Variants in OSBPL8 observed in about 807,000 individuals in gnomAD.
OSBPL8 encodes oxysterol binding protein like 8.
OSBPL8 carries 59 observed loss-of-function variants against 125.5 expected under a neutral mutation model. That is an observed-to-expected ratio of 0.47 (90% confidence interval 0.38 to 0.58). The LOEUF (loss-of-function observed/expected upper bound fraction) is 0.58, where lower values mean the gene tolerates loss of function less well. Ranked by LOEUF, OSBPL8 falls within the 20% of genes least tolerant of loss-of-function variation. The probability of loss-of-function intolerance (pLI) is 0.00; values close to 1 mark genes in which losing one functional copy is unlikely to be tolerated. For missense variants in OSBPL8, 758 were observed against 1,047.8 expected (o/e 0.72, Z 3.82); for synonymous variants, 330 against 338.9 (o/e 0.97, Z 0.29).
At chr12:76,557,633 C>A (rs1357378226) in intron 1 of OSBPL8, among the ~76,000 whole-genome samples, 4 of 149,274 alleles carry the variant, frequency 2.7e-5, no homozygotes, top group South Asian at 4.2e-4. Context: ...AAAAAAAAAT[C>A]CTTTTGTAAT....
chr12:76,375,411 G>A, intron 16 of OSBPL8, 41 bp from the exon 17 acceptor site: 1 of 1,375,598 alleles, frequency 7.3e-7, no homozygotes, highest in Non-Finnish European at 1.0e-6. Flanking sequence ...AAAGAGTATA[G>A]TATAGTATAT....
At chr12:76,497,671 T>G (rs1268211227) in intron 1 of OSBPL8, among the ~76,000 whole-genome samples, 1 of 152,232 alleles carries the variant, frequency 6.6e-6, no homozygotes, top group Non-Finnish European at 1.5e-5. Flanking sequence ...ACAACTTTTT[T>G]CTGAGTTTTG....
chr12:76,422,431 G>T, intron 4 of OSBPL8: 2 of 426,346 alleles, frequency 4.7e-6, no homozygotes, highest in Non-Finnish European at 4.7e-6. Context: ...AATGAAAGCG[G>T]CTTTAAAATG....
chr12:76,429,248 G>A (rs547172130), intron 4 of OSBPL8, among the ~76,000 whole-genome samples: 3 of 110,702 alleles, frequency 2.7e-5, no homozygotes, highest in African/African-American at 6.2e-5. Context: ...GTATACGACC[G>A]TACTTTCCTC....
chr12:76,421,450 A>G (rs936541191), intron 4 of OSBPL8, among the ~76,000 whole-genome samples: 10 of 152,222 alleles, frequency 6.6e-5, no homozygotes, highest in African/African-American at 2.4e-4. Flanking sequence ...CACTGTTAGA[A>G]AAGAATGAAA....
rs1953486910 is a variant in OSBPL8, at chr12:76,389,896, C to T, written c.1168-67G>A. On this transcript the variant is annotated intron_variant, in intron 11 of 23. Coordinates refer to ENST00000261183, the MANE Select transcript of OSBPL8 (RefSeq NM_020841.5). ...TCAGACAGATATGTAAACAAGCCAG[C>T]TAATGTTGAAAATATGAACTCTTCT... The T allele has an allele frequency of 1.0e-5, 13 of 1,269,816 alleles. 1 individual carries two copies. The South Asian group carries it at 2.5e-4, about 24-fold the overall frequency. 78.7% of individuals were successfully genotyped at this position (1,269,816 alleles called of 1,614,324 possible). A position where few individuals can be genotyped will look rare whatever the true frequency, so the allele number is the denominator to read the frequency against.
intron 8 of OSBPL8, 96 bp from the exon 9 acceptor site, chr12:76,394,825 G>A: frequency 3.8e-6 from 3 of 799,542 alleles, no homozygotes; most frequent in South Asian, 4.9e-5. Context: ...ATCTAAATCA[G>A]GTATGGATTA....
At chr12:76,413,104 T>C (rs186519675) in intron 4 of OSBPL8, among the ~76,000 whole-genome samples, 1 of 152,306 alleles carries the variant, frequency 6.6e-6, no homozygotes, top group Admixed American at 6.5e-5. Flanking sequence ...GAACTCCATT[T>C]TTACTTCCAA....
chr12:76,492,471 C>G (rs929520359), intron 1 of OSBPL8, among the ~76,000 whole-genome samples: 1 of 152,126 alleles, frequency 6.6e-6, no homozygotes, highest in African/African-American at 2.4e-5. Context: ...GGGTCTGTGG[C>G]CTGTTAGGAC....
At chr12:76,556,603 T>C (rs1465857516) in intron 1 of OSBPL8, among the ~76,000 whole-genome samples, 2 of 152,206 alleles carry the variant, frequency 1.3e-5, no homozygotes, top group East Asian at 1.9e-4. Flanking sequence ...CAAGCACTTC[T>C]ACTAATCTCC....
intron 2 of OSBPL8, among the ~76,000 whole-genome samples, chr12:76,462,400 T>C (rs896031821): frequency 1.3e-5 from 2 of 152,240 alleles, no homozygotes; most frequent in Admixed American, 1.3e-4. Context: ...CTGATTCTAT[T>C]GGATCAATCC....
intron 2 of OSBPL8, among the ~76,000 whole-genome samples, chr12:76,472,860 G>T (rs1410260196): frequency 1.3e-5 from 2 of 152,180 alleles, no homozygotes. Flanking sequence ...CCAGATAACT[G>T]TGGGCAGGCC....
At position 76,452,524 on chromosome 12, in the gene OSBPL8, G is replaced by A. The variant is rs1276702226; in HGVS notation, c.80-1536C>T. Reference sequence around the variant, plus strand: ...TCAAACCTGCCTCTCCCCAAACTCAGTTCATGCCATCACTACTCCCCTCCC... The same window carrying A: ...TCAAACCTGCCTCTCCCCAAACTCAATTCATGCCATCACTACTCCCCTCCC... On this transcript the variant is annotated intron_variant, in intron 3 of 23. Coordinates refer to ENST00000261183, the MANE Select transcript of OSBPL8 (RefSeq NM_020841.5). 2.6e-5 allele frequency among the ~76,000 whole-genome samples: 4 copies of A among 151,980 alleles called. No individual in the cohort carries two copies. The East Asian group carries it at 5.8e-4, about 22-fold the overall frequency.
At chr12:76,410,769 T>C in intron 4 of OSBPL8, 135 bp from the exon 5 acceptor site, 1 of 605,052 alleles carries the variant, frequency 1.7e-6, no homozygotes, top group South Asian at 2.1e-5. Flanking sequence ...CTATTAAAGA[T>C]CTCTAGAGGG....
At chr12:76,547,266 A>T (rs1407967997) in intron 1 of OSBPL8, among the ~76,000 whole-genome samples, 1 of 152,234 alleles carries the variant, frequency 6.6e-6, no homozygotes, top group African/African-American at 2.4e-5. Context: ...CACAGAAGAG[A>T]GGGAAATTAG....
intron 22 of OSBPL8, among the ~76,000 whole-genome samples, chr12:76,356,991 T>C (rs1841805090): frequency 6.6e-6 from 1 of 152,092 alleles, no homozygotes; most frequent in South Asian, 2.1e-4. Flanking sequence ...AATAATTCAT[T>C]AGAAATACAT....
intron 2 of OSBPL8, among the ~76,000 whole-genome samples, chr12:76,474,750 T>G (rs543204927): frequency 1.7e-4 from 26 of 152,348 alleles, no homozygotes; most frequent in African/African-American, 6.0e-4. Flanking sequence ...CCCAAAGTGC[T>G]GGGATTACAG....
chr12:76,549,294 C>T (rs1950871725), intron 1 of OSBPL8, among the ~76,000 whole-genome samples: 1 of 152,108 alleles, frequency 6.6e-6, no homozygotes, highest in African/African-American at 2.4e-5. Flanking sequence ...CCAAACAAAA[C>T]AAAAATGACC....
At chr12:76,542,849 TG>T (rs1950684137) in intron 1 of OSBPL8, among the ~76,000 whole-genome samples, 1 of 152,166 alleles carries the variant, frequency 6.6e-6, no homozygotes, top group South Asian at 2.1e-4. Flanking sequence ...TATACCACAA[TG>T]TTATCTTTCT....
Sources: allele counts gnomAD v4.1 joint callset (sites outside exome capture counted in the v4.1 genomes callset), GRCh38; gene constraint gnomAD v4.1.1; transcripts MANE v1.5; gene names NCBI Gene and HGNC (gene_info 2026-07-23, HGNC 2026-07-21).